Variants in IMMP2L observed in about 807,000 individuals in gnomAD.
IMMP2L encodes the protein inner mitochondrial membrane peptidase subunit 2.
IMMP2L carries 18 observed loss-of-function variants against 19.3 expected under a neutral mutation model. The ratio of observed to expected loss-of-function variants is 0.93; its 90% CI spans 0.64 to 1.38. The LOEUF (loss-of-function observed/expected upper bound fraction) is 1.38. Ranked by LOEUF, IMMP2L falls within the 40% of genes most tolerant of loss-of-function variation. The probability of loss-of-function intolerance (pLI) is 0.00; values close to 1 mark genes in which losing one functional copy is unlikely to be tolerated. For missense variants in IMMP2L, 233 were observed against 218.2 expected, an observed-to-expected ratio of 1.07 and a Z score of -0.43; for synonymous variants, 76 against 73.0, an observed-to-expected ratio of 1.04 and a Z score of -0.21.
At chr7:111,157,774 T>C (rs901349095) in intron 3 of IMMP2L, among the ~76,000 whole-genome samples, 10 of 152,238 alleles carry the variant, frequency 6.6e-5, no homozygotes, top group African/African-American at 2.2e-4. Context: ...AGGTAATCGA[T>C]ATCCCATTTA....
chr7:111,415,294 G>A (rs1286826662), intron 3 of IMMP2L, among the ~76,000 whole-genome samples: 1 of 151,654 alleles, frequency 6.6e-6, no homozygotes, highest in Non-Finnish European at 1.5e-5. Context: ...ACTGGATTAT[G>A]CCAACAACCA....
At chr7:111,142,336 A>AG (rs1803000469) in intron 3 of IMMP2L, among the ~76,000 whole-genome samples, 7 of 132,666 alleles carry the variant, frequency 5.3e-5, no homozygotes, top group African/African-American at 2.3e-4. Context: ...AAAAAAAAAA[A>AG]AAAAAAAGAA....
At chr7:110,805,443 C>T (rs1037317123) in intron 5 of IMMP2L, among the ~76,000 whole-genome samples, 12 of 152,046 alleles carry the variant, frequency 7.9e-5, no homozygotes, top group African/African-American at 2.9e-4. Context: ...CATGGTCCAA[C>T]ATCCATGCAT....
intron 3 of IMMP2L, among the ~76,000 whole-genome samples, chr7:111,126,850 C>T (rs879512707): frequency 1.3e-5 from 2 of 152,152 alleles, no homozygotes; most frequent in Admixed American, 6.5e-5. Flanking sequence ...ACTGTGTCTG[C>T]TCATAAGCAA....
chr7:111,375,044 C>G (rs1288018492), intron 3 of IMMP2L, among the ~76,000 whole-genome samples: 2 of 152,056 alleles, frequency 1.3e-5, no homozygotes, highest in Non-Finnish European at 2.9e-5. Context: ...GGGTCTTATA[C>G]TTTAGTGTTG....
At chr7:111,268,593 T>C (rs1346902924) in intron 3 of IMMP2L, among the ~76,000 whole-genome samples, 2 of 92,210 alleles carry the variant, frequency 2.2e-5, no homozygotes, top group African/African-American at 8.0e-5. Flanking sequence ...TTTTTTTTTT[T>C]TTTTTTTTTT....
At chr7:110,783,585 A>G (rs1002835541) in intron 5 of IMMP2L, among the ~76,000 whole-genome samples, 1 of 151,884 alleles carries the variant, frequency 6.6e-6, no homozygotes, top group African/African-American at 2.4e-5. Context: ...ATATATAGAC[A>G]GTCTTACTCA....
chr7:111,470,753 A>C (rs1841179845), intron 3 of IMMP2L, among the ~76,000 whole-genome samples: 1 of 148,924 alleles, frequency 6.7e-6, no homozygotes. Flanking sequence ...GAGGGATAGC[A>C]TTAGGAGATA....
intron 1 of IMMP2L, among the ~76,000 whole-genome samples, chr7:111,553,710 T>C (rs1170511542): frequency 6.6e-6 from 1 of 152,212 alleles, no homozygotes; most frequent in Non-Finnish European, 1.5e-5. Flanking sequence ...GTCTTCAACC[T>C]TGTAGCATTA....
chr7:110,960,505 G>A lies in IMMP2L; in HGVS notation c.305+2995C>T, dbSNP rs574760815. On this transcript the variant is annotated intron_variant, in intron 4 of 5. Coordinates refer to ENST00000405709, the MANE Select transcript of IMMP2L (RefSeq NM_032549.4). Reference sequence around the variant, plus strand: ...TCTTCACCTAGGGTAATGTTTTCAAGGTTTGCTGACATTCTTTGAATGGGA... The same window carrying A: ...TCTTCACCTAGGGTAATGTTTTCAAAGTTTGCTGACATTCTTTGAATGGGA... Among the ~76,000 whole-genome samples, 59 of 151,964 alleles carry A rather than the reference G, an allele frequency of 3.9e-4. 1 individual carries two copies. The highest frequency in any genetic ancestry group is 6.8e-3 in the Middle Eastern group (2 of 294).
At chr7:110,818,069 T>C (rs371084120) in intron 5 of IMMP2L, among the ~76,000 whole-genome samples, 4 of 152,032 alleles carry the variant, frequency 2.6e-5, no homozygotes, top group African/African-American at 4.8e-5. Context: ...ACTTCATGTC[T>C]AAAACACCAA....
At chr7:110,959,920 A>G (rs1484118000) in intron 4 of IMMP2L, among the ~76,000 whole-genome samples, 2 of 151,982 alleles carry the variant, frequency 1.3e-5, no homozygotes, top group Non-Finnish European at 2.9e-5. Flanking sequence ...TGCTGAGGAA[A>G]GCAACAACTT....
chr7:110,755,183 A>T (rs909851436), intron 5 of IMMP2L, among the ~76,000 whole-genome samples: 1 of 152,086 alleles, frequency 6.6e-6, no homozygotes, highest in Admixed American at 6.6e-5. Context: ...TATTTTGTTC[A>T]TAAATATGTT....
intron 4 of IMMP2L, among the ~76,000 whole-genome samples, chr7:110,893,030 G>A (rs544062793): frequency 6.6e-6 from 1 of 151,972 alleles, no homozygotes; most frequent in Non-Finnish European, 1.5e-5. Context: ...ATATATTGTC[G>A]GTTCAATTGC....
chr7:111,191,271 A>G (rs553663687), intron 3 of IMMP2L, among the ~76,000 whole-genome samples: 3 of 152,270 alleles, frequency 2.0e-5, no homozygotes, highest in Middle Eastern at 6.8e-3. Context: ...AAACCCAGGC[A>G]AAAGTCTAGA....
At chr7:111,332,256 A>G (rs1825953876) in intron 3 of IMMP2L, among the ~76,000 whole-genome samples, 1 of 151,914 alleles carries the variant, frequency 6.6e-6, no homozygotes, top group African/African-American at 2.4e-5. Context: ...ATCGAATAGT[A>G]AAAAAGGTTA....
chr7:111,136,233 G>T (rs1290272821), intron 3 of IMMP2L, among the ~76,000 whole-genome samples: 1 of 151,972 alleles, frequency 6.6e-6, no homozygotes, highest in African/African-American at 2.4e-5. Context: ...TCACCATCTT[G>T]GCCAGGCTAG....
chr7:111,232,511 G>C (rs986777170), intron 3 of IMMP2L, among the ~76,000 whole-genome samples: 1 of 151,796 alleles, frequency 6.6e-6, no homozygotes, highest in African/African-American at 2.4e-5. Flanking sequence ...AGCTAGATCT[G>C]ACATGGAAAT....
chr7:111,124,466 C>T (rs1217636612), intron 3 of IMMP2L: 12 of 1,613,858 alleles, frequency 7.4e-6, no homozygotes, highest in African/African-American at 1.3e-5. Flanking sequence ...AATTCTCATG[C>T]TGCGCAAAGT....
Sources: gnomAD v4.1 joint callset for allele counts (sites outside exome capture counted in the v4.1 genomes callset) on GRCh38, gnomAD v4.1.1 for gene constraint, MANE v1.5 for transcripts, NCBI Gene and HGNC (gene_info 2026-07-23, HGNC 2026-07-21) for gene names.